SEZ6L: variants seen among roughly 807,000 people sequenced by gnomAD.
The protein encoded by SEZ6L is seizure related 6 homolog like.
In SEZ6L, 37 loss-of-function variants were observed where a neutral mutation model predicts 106.2. The observed-to-expected ratio is 0.35, with a 90% CI of 0.27 to 0.46. SEZ6L has a LOEUF of 0.46. SEZ6L is among the 20% of genes least tolerant of loss of function. The pLI is 1.00. For synonymous variants in SEZ6L, 541 were observed against 570.4 expected (o/e 0.95, Z 0.73); for missense variants, 1,172 against 1,332.8 (o/e 0.88, Z 1.88).
chr22:26,324,103 A>ACACAC lies in SEZ6L; in HGVS notation c.2015+10201_2015+10202insCACAC, dbSNP rs1569463232. The stretch of plus-strand genomic sequence containing the variant: ...ACACACACACACACACACACACACA[A>ACACAC]ACACACACACACACACAAACGGTAG... On this transcript the variant is annotated intron_variant, in intron 9 of 16. Coordinates refer to ENST00000248933, the MANE Select transcript of SEZ6L (RefSeq NM_021115.5). Among the ~76,000 whole-genome samples the ACACAC allele has an allele frequency of 6.8e-4, 57 of 83,398 alleles. 1 individual carries two copies. Among genetic ancestry groups the ACACAC allele is most frequent in the Admixed American group, 3.5e-3 (30 of 8,660 alleles). The allele number at this position is 83,398 out of a possible 152,430, so 54.7% of individuals were successfully genotyped here.
chr22:26,358,483 G>A (rs2083510492), intron 12 of SEZ6L, among the ~76,000 whole-genome samples: 1 of 152,184 alleles, frequency 6.6e-6, no homozygotes, highest in Non-Finnish European at 1.5e-5. Flanking sequence ...ACTGCTTGTA[G>A]GGCATATTGC....
In SEZ6L at chr22:26,345,067, C is replaced by A. The variant is rs572365209; in HGVS notation, c.2213-2652C>A. On this transcript the variant is annotated intron_variant, in intron 10 of 16. Transcript: ENST00000248933. Reference sequence around the variant, plus strand: ...TTCCTGAGTCAGGGTTTCTGGGGTACAAGCCCTGGAATCTGAAGAACAGGA... The same window carrying A: ...TTCCTGAGTCAGGGTTTCTGGGGTAAAAGCCCTGGAATCTGAAGAACAGGA... Among the ~76,000 whole-genome samples, 8 of 152,056 alleles carry A rather than the reference C, an allele frequency of 5.3e-5. No homozygotes were observed. In the East Asian group the frequency reaches 1.5e-3, roughly 29 times the overall value.
chr22:26,308,066 C>G (rs549211212), intron 6 of SEZ6L, among the ~76,000 whole-genome samples: 17 of 152,244 alleles, frequency 1.1e-4, no homozygotes, highest in African/African-American at 4.1e-4. Flanking sequence ...GATGAAGACA[C>G]TACTCTCTGG....
chr22:26,206,420 C>T (rs1357702664), intron 1 of SEZ6L, among the ~76,000 whole-genome samples: 1 of 152,226 alleles, frequency 6.6e-6, no homozygotes, highest in East Asian at 1.9e-4. Context: ...CACTTTGTTA[C>T]ATCCTTTGCA....
chr22:26,228,650 A>G (rs1017570920), intron 1 of SEZ6L, among the ~76,000 whole-genome samples: 1 of 152,148 alleles, frequency 6.6e-6, no homozygotes, highest in Non-Finnish European at 1.5e-5. Context: ...TCTAATATGA[A>G]TGGTAGTTGC....
chr22:26,306,186 G>C lies in SEZ6L; in HGVS notation c.1514+42G>C, dbSNP rs746569724. 5.0e-6 allele frequency: 8 copies of C among 1,599,290 alleles called. No homozygotes were observed. In the South Asian group the frequency reaches 8.9e-5, roughly 18 times the overall value. ...CCACACCCAACCCCGTTTCTTCCCA[G>C]AATATTAGAACATGGCTTGAGGACT... On this transcript the variant is annotated intron_variant, in intron 6 of 16. Transcript: ENST00000248933.
At chr22:26,185,028 G>A (rs1458050136) in intron 1 of SEZ6L, among the ~76,000 whole-genome samples, 1 of 152,212 alleles carries the variant, frequency 6.6e-6, no homozygotes, top group Non-Finnish European at 1.5e-5. Context: ...AGGCTGCAGG[G>A]AGCTGAGATC....
intron 1 of SEZ6L, among the ~76,000 whole-genome samples, chr22:26,187,700 C>T (rs535021472): frequency 2.0e-5 from 3 of 152,208 alleles, no homozygotes; most frequent in Admixed American, 6.5e-5. Flanking sequence ...TGATTAAATC[C>T]ACCCCTCCCC....
intron 6 of SEZ6L, among the ~76,000 whole-genome samples, chr22:26,308,308 G>T (rs2081702577): frequency 1.3e-5 from 2 of 150,632 alleles, no homozygotes; most frequent in South Asian, 4.2e-4. Flanking sequence ...CACAAAGATG[G>T]AGGGGAAAGA....
At chr22:26,370,384 C>CA (rs1218132248) in intron 13 of SEZ6L, among the ~76,000 whole-genome samples, 5 of 150,196 alleles carry the variant, frequency 3.3e-5, no homozygotes, top group South Asian at 4.2e-4. Flanking sequence ...CACTCCATCT[C>CA]AAAAAAAAGA....
At chr22:26,309,270 C>A (rs1252177672) in intron 6 of SEZ6L, among the ~76,000 whole-genome samples, 1 of 152,174 alleles carries the variant, frequency 6.6e-6, no homozygotes, top group African/African-American at 2.4e-5. Context: ...GCTTTAATAA[C>A]AATAAAAATA....
intron 1 of SEZ6L, among the ~76,000 whole-genome samples, chr22:26,289,004 T>C (rs2081023271): frequency 6.6e-6 from 1 of 152,242 alleles, no homozygotes; most frequent in Non-Finnish European, 1.5e-5. Flanking sequence ...CTAAGAATAA[T>C]TGTCAATTCC....
chr22:26,348,580 AAGAAAG>A lies in SEZ6L; in HGVS notation c.2407+675_2407+680del, dbSNP rs1354956430. Among the ~76,000 whole-genome samples, 5 of 92,588 alleles carry A rather than the reference AAGAAAG, an allele frequency of 5.4e-5. No individual in the cohort carries two copies. The East Asian group carries it at 1.1e-3, about 21-fold the overall frequency. The allele number at this position is 92,588 out of a possible 152,430, so 60.7% of individuals were successfully genotyped here. On this transcript the variant is annotated intron_variant, in intron 11 of 16. Coordinates refer to ENST00000248933, the MANE Select transcript of SEZ6L (RefSeq NM_021115.5). ...AAGGAAGGGAGGAAAGAAAGAAAGA[AAGAAAG>A]AGAAAGAAAGAAAGAAAGAAAGAGA... is the stretch of plus-strand genomic sequence containing the variant.
chr22:26,267,598 T>G lies in SEZ6L; in HGVS notation c.95-24808T>G, dbSNP rs570701694. 1.2e-4 allele frequency among the ~76,000 whole-genome samples: 18 copies of G among 152,372 alleles called. 1 individual carries two copies. The highest frequency in any genetic ancestry group is 4.1e-4 in the African/African-American group (17 of 41,592). On this transcript the variant is annotated intron_variant, in intron 1 of 16. Transcript: ENST00000248933. ...TTGGGAAACATAGCTTCAACCAAGC[T>G]AAACACATTTTCTGTTTGCTGCAGG...
intron 14 of SEZ6L, among the ~76,000 whole-genome samples, chr22:26,374,244 A>G (rs1406900045): frequency 6.7e-6 from 1 of 149,800 alleles, no homozygotes; most frequent in African/African-American, 2.5e-5. Flanking sequence ...TTAAAAATAT[A>G]TACTGTAATA....
intron 6 of SEZ6L, among the ~76,000 whole-genome samples, chr22:26,306,457 T>C (rs1168220591): frequency 6.6e-6 from 1 of 152,160 alleles, no homozygotes; most frequent in Non-Finnish European, 1.5e-5. Context: ...AAAGAGAGTA[T>C]GTATTGATCA....
chr22:26,305,812 C>T (rs906544208), intron 5 of SEZ6L, among the ~76,000 whole-genome samples, 167 bp from the exon 6 acceptor site: 1 of 152,194 alleles, frequency 6.6e-6, no homozygotes, highest in African/African-American at 2.4e-5. Flanking sequence ...GGTTTCCTCC[C>T]GCTCCAGGTC....
chr22:26,268,110 C>A (rs1002420774), intron 1 of SEZ6L, among the ~76,000 whole-genome samples: 6 of 152,204 alleles, frequency 3.9e-5, no homozygotes, highest in Admixed American at 3.9e-4. Flanking sequence ...AATTAAATAC[C>A]AATCCAATTT....
chr22:26,205,757 C>T (rs956719700), intron 1 of SEZ6L, among the ~76,000 whole-genome samples: 1 of 152,064 alleles, frequency 6.6e-6, no homozygotes, highest in African/African-American at 2.4e-5. Flanking sequence ...TGTAATTCTC[C>T]CGAGAGTCTC....
Sources: allele counts gnomAD v4.1 joint callset (sites outside exome capture counted in the v4.1 genomes callset), GRCh38; gene constraint gnomAD v4.1.1; transcripts MANE v1.5; gene names NCBI Gene and HGNC (gene_info 2026-07-23, HGNC 2026-07-21).